CRY1: variants seen among roughly 807,000 people sequenced by gnomAD.
The protein encoded by CRY1 is cryptochrome circadian regulator 1.
A neutral mutation model predicts 76.0 loss-of-function variants in CRY1; 45 were observed. The observed-to-expected ratio is 0.59, with a 90% confidence interval of 0.47 to 0.76. The LOEUF is 0.76. CRY1 is among the 30% of genes least tolerant of loss of function. CRY1 has a pLI of 0.00. For missense variants in CRY1, 587 were observed against 716.4 expected, an observed-to-expected ratio of 0.82 and a Z score of 2.06; for synonymous variants, 248 against 244.0, an observed-to-expected ratio of 1.02 and a Z score of -0.15.
chr12:107,032,523 C>T (rs184117284), intron 1 of CRY1, among the ~76,000 whole-genome samples: 244 of 152,090 alleles, frequency 1.6e-3, no homozygotes, highest in Non-Finnish European at 2.4e-3. Context: ...CACACACACA[C>T]ACACACGTCA....
At chr12:107,006,638 C>CGTTTTTTTTTTTTTT (rs71076707) in intron 2 of CRY1, among the ~76,000 whole-genome samples, 1 of 137,108 alleles carries the variant, frequency 7.3e-6, no homozygotes, top group Non-Finnish European at 1.5e-5. Flanking sequence ...TATTAGTAAT[C>CGTTTTTTTTTTTTTT]TTTTTTTTTT....
At chr12:107,007,730 G>A (rs1952391441) in intron 2 of CRY1, among the ~76,000 whole-genome samples, 1 of 151,862 alleles carries the variant, frequency 6.6e-6, no homozygotes, top group Non-Finnish European at 1.5e-5. Flanking sequence ...GGGTCTCACT[G>A]TATTGCCCAA....
intron 1 of CRY1, among the ~76,000 whole-genome samples, chr12:107,024,884 T>C (rs1247792685): frequency 6.6e-6 from 1 of 151,784 alleles, no homozygotes; most frequent in Non-Finnish European, 1.5e-5. Flanking sequence ...CTGCACAGAT[T>C]TAAAAAATAG....
At chr12:107,040,054 G>C (rs765827494) in intron 1 of CRY1, among the ~76,000 whole-genome samples, 23 of 152,132 alleles carry the variant, frequency 1.5e-4, no homozygotes, top group Non-Finnish European at 2.6e-4. Context: ...TGACAACATG[G>C]ATGAACCTTG....
Position 106,999,686 on chromosome 12 carries a change from C to T in CRY1, c.1002G>A (p.Arg334=), listed in dbSNP as rs772495549. The part of the protein sequence containing the change: ...PEALAKWAEG[R]TGFPWIDAIM... ...TGGCATCAATCCATGGAAAGCCTGT[C>T]CGGCCTTCCGCCCATTTGGCTAAAG... is the stretch of plus-strand genomic sequence containing the variant. The change falls in exon 7 of 13, where the codon CGG becomes CGA. Residue 334 remains arginine (R), a synonymous_variant. Transcript: ENST00000008527. 2 of 1,614,250 alleles carry T rather than the reference C, an allele frequency of 1.2e-6. No homozygotes were observed. Among genetic ancestry groups the T allele is most frequent in the Non-Finnish European group, 1.7e-6 (2 of 1,180,034 alleles).
intron 1 of CRY1, among the ~76,000 whole-genome samples, chr12:107,039,656 A>G (rs1479918193): frequency 6.6e-6 from 1 of 152,226 alleles, no homozygotes; most frequent in Non-Finnish European, 1.5e-5. Flanking sequence ...CAAAAAAATA[A>G]AAGGCAATGT....
intron 1 of CRY1, among the ~76,000 whole-genome samples, chr12:107,024,094 A>G (rs935364020): frequency 2.0e-5 from 3 of 152,234 alleles, no homozygotes; most frequent in Admixed American, 1.3e-4. Flanking sequence ...AAATTGAAAC[A>G]GTACAAAACT....
intron 10 of CRY1, among the ~76,000 whole-genome samples, chr12:106,997,010 G>A (rs1227930683): frequency 6.6e-6 from 1 of 152,104 alleles, no homozygotes; most frequent in African/African-American, 2.4e-5. Flanking sequence ...CTGAAAATAT[G>A]ACATTTGAGT....
At chr12:107,064,181 A>G in intron 1 of CRY1, among the ~76,000 whole-genome samples, 1 of 152,198 alleles carries the variant, frequency 6.6e-6, no homozygotes, top group Non-Finnish European at 1.5e-5. Flanking sequence ...ATGTGAATGC[A>G]TGTAGAGACA....
intron 1 of CRY1, among the ~76,000 whole-genome samples, chr12:107,064,669 G>A (rs986954498): frequency 6.6e-6 from 1 of 152,086 alleles, no homozygotes; most frequent in African/African-American, 2.4e-5. Flanking sequence ...ACACAATATC[G>A]CCAAATAACT....
chr12:107,037,145 CAG>C (rs1340633554), intron 1 of CRY1, among the ~76,000 whole-genome samples: 5 of 152,022 alleles, frequency 3.3e-5, no homozygotes, highest in Admixed American at 2.6e-4. Context: ...ATACAGATAA[CAG>C]AGAAAACAGA....
In CRY1 at chr12:107,083,626, G is replaced by C. The variant is rs1184847909; in HGVS notation, c.158+9178C>G. Reference sequence around the variant, plus strand: ...TCTCAATAGATGCAGAAAAGGCCTTGGACAAAATTCAACACCGCTTCATGC... The same window carrying C: ...TCTCAATAGATGCAGAAAAGGCCTTCGACAAAATTCAACACCGCTTCATGC... On this transcript the variant is annotated intron_variant, in intron 1 of 12. Transcript: ENST00000008527. 2.0e-5 allele frequency among the ~76,000 whole-genome samples: 3 copies of C among 152,040 alleles called. No individual in the cohort carries two copies. In the East Asian group the frequency reaches 5.8e-4, roughly 29 times the overall value.
At chr12:107,021,003 G>A (rs958900347) in intron 2 of CRY1, among the ~76,000 whole-genome samples, 6 of 152,218 alleles carry the variant, frequency 3.9e-5, no homozygotes, top group African/African-American at 1.4e-4. Flanking sequence ...GCACTACAGT[G>A]CTGGGCGCAG....
At chr12:107,088,089 T>C (rs1164683462) in intron 1 of CRY1, among the ~76,000 whole-genome samples, 1 of 152,136 alleles carries the variant, frequency 6.6e-6, no homozygotes, top group Non-Finnish European at 1.5e-5. Flanking sequence ...TTTGGGGGGC[T>C]AGAAGTGGAG....
intron 1 of CRY1, among the ~76,000 whole-genome samples, chr12:107,078,782 T>C (rs925467374): frequency 5.9e-5 from 9 of 152,138 alleles, no homozygotes; most frequent in Non-Finnish European, 5.9e-5. Context: ...TAATGTCTAA[T>C]TGTCACAGAG....
chr12:107,012,101 A>G (rs1952451687), intron 2 of CRY1, among the ~76,000 whole-genome samples: 1 of 152,190 alleles, frequency 6.6e-6, no homozygotes, highest in Non-Finnish European at 1.5e-5. Context: ...GAGGCAGGAG[A>G]ATCAATTGAG....
At chr12:107,017,055 C>G (rs1026185860) in intron 2 of CRY1, among the ~76,000 whole-genome samples, 2 of 152,224 alleles carry the variant, frequency 1.3e-5, no homozygotes, top group African/African-American at 4.8e-5. Flanking sequence ...CTTCCAATCC[C>G]CTGTGTATTC....
chr12:107,073,722 G>C (rs1159831535), intron 1 of CRY1, among the ~76,000 whole-genome samples: 1 of 151,714 alleles, frequency 6.6e-6, no homozygotes, highest in Non-Finnish European at 1.5e-5. Context: ...AATTGAGACA[G>C]AGTCCGTTTC....
chr12:107,092,914 G>A lies in CRY1; in HGVS notation c.48C>T (p.His16=), dbSNP rs748752938. Reference sequence around the variant, plus strand: ...TGCACTCCTTCAGGGCGGGGTTGTCGTGGAGCCGGAGCCCCTTTCGGAACC... The same window carrying A: ...TGCACTCCTTCAGGGCGGGGTTGTCATGGAGCCGGAGCCCCTTTCGGAACC... ...VHWFRKGLRL[H]DNPALKECIQ... The change falls in exon 1 of 13, where the codon CAC becomes CAT. Residue 16 remains histidine, a synonymous_variant. Transcript: ENST00000008527. 8 of 1,606,264 alleles carry A rather than the reference G, an allele frequency of 5.0e-6. No individual in the cohort carries two copies. The highest frequency in any genetic ancestry group is 6.8e-6 in the Non-Finnish European group (8 of 1,177,372).
Sources: allele counts gnomAD v4.1 joint callset (sites outside exome capture counted in the v4.1 genomes callset), GRCh38; gene constraint gnomAD v4.1.1; transcripts MANE v1.5; gene names NCBI Gene and HGNC (gene_info 2026-07-23, HGNC 2026-07-21).